The following EYS variants were observed in gnomAD, a reference collection of about 807,000 sequenced individuals.
EYS encodes EGF-like photoreceptor maintenance factor, also known as protein eyes shut homolog.
Under a neutral mutation model 282.1 loss-of-function variants are expected in EYS, and 250 were observed. The observed-to-expected ratio is 0.89, with a 90% CI of 0.80 to 0.98. EYS has a LOEUF of 0.98. Ranked by LOEUF, EYS falls within the 50% of genes least tolerant of loss-of-function variation. EYS has a pLI of 0.00. For synonymous variants in EYS, 1,355 were observed against 1,282.9 expected (o/e 1.06, Z -1.20); for missense variants, 4,016 against 3,709.0 (o/e 1.08, Z -2.15).
chr6:65,086,026 TC>T (rs1283462082), intron 12 of EYS, among the ~76,000 whole-genome samples: 2,790 of 142,080 alleles, frequency 0.02, 85 homozygotes, highest in African/African-American at 0.066. Flanking sequence ...CACCTTCTCC[TC>T]TTTTTTTTTT....
Position 64,439,346 on chromosome 6 carries a change from C to G in EYS, c.5651G>C (p.Ser1884Thr). 6.7e-7 allele frequency: 1 copy of G among 1,493,170 alleles called. No individual in the cohort carries two copies. The highest frequency in any genetic ancestry group is 8.9e-7 in the Non-Finnish European group (1 of 1,126,182). 92.5% of individuals were successfully genotyped at this position (1,493,170 alleles called of 1,614,324 possible). The change falls in exon 27 of 43, where the codon AGT becomes ACT. Residue 1884 changes from serine (S) to threonine (T), a missense_variant. By Grantham distance (58) the Ser-to-Thr change is moderately conservative. Coordinates refer to ENST00000503581, the MANE Select transcript of EYS (RefSeq NM_001142800.2). ...APQRLMISDF[S>T]CVRYYGDSYL... ...AGAATCTCCATAATAACGAACACAA[C>G]TGAAATCTGTGGAGTCAGAAAGAAA... is the stretch of plus-strand genomic sequence containing the variant.
intron 2 of EYS, among the ~76,000 whole-genome samples, chr6:65,635,810 T>G (rs1582548047): frequency 1.3e-5 from 2 of 152,300 alleles, no homozygotes; most frequent in South Asian, 4.1e-4. Context: ...TGGACCTGAT[T>G]GCTCCTATGG....
intron 40 of EYS, among the ~76,000 whole-genome samples, chr6:63,770,854 A>G (rs1411748282): frequency 6.6e-6 from 1 of 152,202 alleles, no homozygotes; most frequent in Non-Finnish European, 1.5e-5. Flanking sequence ...GTGATGGCAT[A>G]TTGAAACTCG....
intron 1 of EYS, among the ~76,000 whole-genome samples, chr6:65,685,014 T>C (rs1768964940): frequency 6.6e-6 from 1 of 151,994 alleles, no homozygotes; most frequent in Non-Finnish European, 1.5e-5. Flanking sequence ...AGGGCTTCTA[T>C]GGCCTGAGGA....
At chr6:65,455,394 T>G (rs186002492) in intron 5 of EYS, among the ~76,000 whole-genome samples, 2 of 152,278 alleles carry the variant, frequency 1.3e-5, no homozygotes, top group East Asian at 3.9e-4. Flanking sequence ...CAGTTTTTCT[T>G]GATAGAATCT....
chr6:65,623,534 CA>C (rs1429142076), intron 2 of EYS, among the ~76,000 whole-genome samples: 4 of 151,732 alleles, frequency 2.6e-5, no homozygotes, highest in Admixed American at 6.6e-5. Flanking sequence ...TTTACACTTA[CA>C]AATTTTTAGT....
intron 35 of EYS, among the ~76,000 whole-genome samples, chr6:63,932,019 C>T (rs551991868): frequency 1.3e-5 from 2 of 152,042 alleles, no homozygotes; most frequent in African/African-American, 2.4e-5. Context: ...TGAATGAGAA[C>T]ATGCGGTTTC....
chr6:64,677,240 T>C (rs770115921), intron 22 of EYS, among the ~76,000 whole-genome samples: 1 of 152,188 alleles, frequency 6.6e-6, no homozygotes, highest in South Asian at 2.1e-4. Flanking sequence ...CAGTTTAGTG[T>C]TATTTTTTAA....
In EYS at chr6:65,402,527, A is replaced by G. The variant is rs376058849; in HGVS notation, c.1135T>C (p.Leu379=). 1.2e-5 allele frequency: 19 copies of G among 1,550,318 alleles called. No homozygotes were observed. The highest frequency in any genetic ancestry group is 1.6e-5 in the Non-Finnish European group (18 of 1,122,998). The change falls in exon 7 of 43, where the codon TTG becomes CTG. Residue 379 remains leucine, a synonymous_variant. Coordinates refer to ENST00000503581, the MANE Select transcript of EYS (RefSeq NM_001142800.2). ...TTCTTACATGTAGCATTATTCCTCA[A>G]AGGAAATGACTCACATGATGTTTGA... The part of the protein sequence containing the change: ...SIQTSCESFP[L]RNNATCKKCE...
chr6:63,891,631 C>A (rs1773411266), intron 35 of EYS, among the ~76,000 whole-genome samples: 1 of 152,164 alleles, frequency 6.6e-6, no homozygotes. Context: ...GCCAATCATA[C>A]TGAATGGGCA....
intron 22 of EYS, among the ~76,000 whole-genome samples, chr6:64,697,131 A>T (rs1770608555): frequency 6.6e-6 from 1 of 152,234 alleles, no homozygotes; most frequent in Non-Finnish European, 1.5e-5. Flanking sequence ...ATTTAAAAAA[A>T]ACATGAATCA....
intron 35 of EYS, 36 bp downstream of exon 35, chr6:63,984,347 G>T: frequency 7.2e-7 from 1 of 1,389,262 alleles, no homozygotes; most frequent in Non-Finnish European, 1.0e-6. Flanking sequence ...TTGGAGTCAT[G>T]TAACGTAGGT....
chr6:64,104,113 A>G (rs1165375210), intron 31 of EYS, among the ~76,000 whole-genome samples: 1 of 152,158 alleles, frequency 6.6e-6, no homozygotes, highest in African/African-American at 2.4e-5. Context: ...GTGGTTTCAA[A>G]TATGGAAGAA....
intron 5 of EYS, among the ~76,000 whole-genome samples, chr6:65,455,348 T>C (rs1476278995): frequency 6.6e-6 from 1 of 152,162 alleles, no homozygotes; most frequent in Admixed American, 6.5e-5. Flanking sequence ...ATGATGATTT[T>C]ACATCCTGAA....
intron 29 of EYS, among the ~76,000 whole-genome samples, chr6:64,316,276 T>C (rs1270684742): frequency 2.0e-5 from 3 of 152,120 alleles, no homozygotes; most frequent in Non-Finnish European, 2.9e-5. Context: ...GGGAGTCAAA[T>C]TGTCTCTGTT....
At chr6:65,016,084 AC>A (rs1022572392) in intron 13 of EYS, among the ~76,000 whole-genome samples, 5 of 144,554 alleles carry the variant, frequency 3.5e-5, no homozygotes, top group African/African-American at 1.0e-4. Context: ...AAAAAAAAAA[AC>A]AGGCGCCATG....
intron 12 of EYS, among the ~76,000 whole-genome samples, chr6:65,150,333 T>C (rs1294654833): frequency 6.6e-6 from 1 of 151,666 alleles, no homozygotes; most frequent in Non-Finnish European, 1.5e-5. Context: ...TTAGGAGTTT[T>C]AATACTCTTT....
chr6:63,900,566 A>T (rs542732568), intron 35 of EYS, among the ~76,000 whole-genome samples: 15 of 152,326 alleles, frequency 9.8e-5, no homozygotes, highest in African/African-American at 3.4e-4. Context: ...TCCCCAGCTG[A>T]CAGAACCTGC....
At chr6:64,829,706 G>C (rs1765159022) in intron 19 of EYS, among the ~76,000 whole-genome samples, 1 of 151,882 alleles carries the variant, frequency 6.6e-6, no homozygotes, top group South Asian at 2.1e-4. Flanking sequence ...ATTATAGAAT[G>C]CGGTATGCAC....
Sources: gnomAD v4.1 joint callset for allele counts (sites outside exome capture counted in the v4.1 genomes callset) on GRCh38, gnomAD v4.1.1 for gene constraint, MANE v1.5 for transcripts, NCBI Gene and HGNC (gene_info 2026-07-23, HGNC 2026-07-21) for gene names.